The following ALPK2 variants were observed in gnomAD, a reference collection of about 807,000 sequenced individuals.
ALPK2 encodes alpha kinase 2, also known as alpha-protein kinase 2.
A neutral mutation model predicts 163.1 loss-of-function variants in ALPK2; 127 were observed. That is an observed-to-expected ratio of 0.78 (90% CI 0.67 to 0.90). The LOEUF (loss-of-function observed/expected upper bound fraction) is 0.90, where lower values mean the gene tolerates loss of function less well. Among genes scored for constraint, ALPK2 ranks in the 40% least tolerant of loss-of-function variants. The pLI, the probability that ALPK2 is intolerant of heterozygous loss-of-function variation, is 0.00. For missense variants in ALPK2, 2,360 were observed against 2,589.6 expected (o/e 0.91, Z 1.92); for synonymous variants, 953 against 959.1 (o/e 0.99, Z 0.12).
At chr18:58,623,002 C>G (rs2052210326) in intron 1 of ALPK2, among the ~76,000 whole-genome samples, 1 of 152,190 alleles carries the variant, frequency 6.6e-6, no homozygotes, top group South Asian at 2.1e-4. Flanking sequence ...TAAGACCAAC[C>G]CTGAGTGTAG....
intron 4 of ALPK2, among the ~76,000 whole-genome samples, chr18:58,570,579 A>G (rs933070630): frequency 2.6e-5 from 4 of 152,204 alleles, no homozygotes; most frequent in Admixed American, 6.5e-5. Context: ...GCAGTTTGCC[A>G]CCTTTGAAGG....
At chr18:58,519,000 A>G (rs1036784563) in intron 8 of ALPK2, among the ~76,000 whole-genome samples, 2 of 152,242 alleles carry the variant, frequency 1.3e-5, no homozygotes, top group Non-Finnish European at 1.5e-5. Context: ...ATCTGTTCCA[A>G]CTAAGAACTT....
chr18:58,482,628 C>T (rs2051317450), intron 12 of ALPK2, among the ~76,000 whole-genome samples: 1 of 152,130 alleles, frequency 6.6e-6, no homozygotes. Context: ...CCGCTTTGTC[C>T]CCAGGAGAAG....
At chr18:58,622,201 G>A (rs144978667) in intron 1 of ALPK2, among the ~76,000 whole-genome samples, 3,595 of 152,070 alleles carry the variant, frequency 0.024, 85 homozygotes, top group South Asian at 0.087. Flanking sequence ...ACAAAAATTA[G>A]CCGGGTGTGG....
intron 12 of ALPK2, among the ~76,000 whole-genome samples, chr18:58,491,651 A>C (rs549468583): frequency 6.6e-6 from 1 of 151,994 alleles, no homozygotes; most frequent in South Asian, 2.1e-4. Context: ...CCCGACCCCC[A>C]ATCCCCAAAT....
chr18:58,553,031 G>A (rs1466191355), intron 4 of ALPK2, among the ~76,000 whole-genome samples: 2 of 152,118 alleles, frequency 1.3e-5, no homozygotes, highest in African/African-American at 4.8e-5. Flanking sequence ...AGGGAAGAAG[G>A]CCATGTGATG....
intron 12 of ALPK2, among the ~76,000 whole-genome samples, chr18:58,492,289 C>T (rs1044136456): frequency 6.6e-6 from 1 of 151,782 alleles, no homozygotes; most frequent in Admixed American, 6.6e-5. Flanking sequence ...TATATACGCG[C>T]ACACACACAC....
At chr18:58,544,399 A>T (rs1402709280) in intron 4 of ALPK2, 1 of 152,196 alleles carries the variant, frequency 6.6e-6, no homozygotes, top group African/African-American at 2.4e-5. Context: ...TATGCTTTTC[A>T]TCATTAATGA....
intron 11 of ALPK2, among the ~76,000 whole-genome samples, chr18:58,501,160 C>A (rs1602188192): frequency 1.3e-5 from 2 of 152,210 alleles, no homozygotes; most frequent in African/African-American, 4.8e-5. Flanking sequence ...TAATGCCACA[C>A]CACCACGTTA....
At chr18:58,600,261 T>C (rs779996873) in intron 3 of ALPK2, among the ~76,000 whole-genome samples, 8 of 152,166 alleles carry the variant, frequency 5.3e-5, no homozygotes, top group Non-Finnish European at 8.8e-5. Context: ...GGTCTTGAAC[T>C]CCTGACCTCA....
At chr18:58,529,374 G>A (rs780492213) in intron 5 of ALPK2, 136 bp from the exon 6 acceptor site, 42 of 945,486 alleles carry the variant, frequency 4.4e-5, no homozygotes, top group Non-Finnish European at 6.0e-5. Flanking sequence ...GAGTCTCTGA[G>A]GGGAGAGGTG....
chr18:58,566,484 A>G (rs1325008758), intron 4 of ALPK2: 1 of 152,186 alleles, frequency 6.6e-6, no homozygotes, highest in African/African-American at 2.4e-5. Context: ...ATCTTCTATC[A>G]TAGCCAAAGA....
intron 12 of ALPK2, among the ~76,000 whole-genome samples, chr18:58,485,729 C>T (rs1392742614): frequency 6.6e-6 from 1 of 152,208 alleles, no homozygotes; most frequent in Non-Finnish European, 1.5e-5. Flanking sequence ...GCGCTCTCTC[C>T]CTGGTGAGAC....
rs749653289 is a variant in ALPK2, at chr18:58,538,144, G to A, written c.2043C>T (p.Ser681=). 18 of 1,613,978 alleles carry A rather than the reference G, an allele frequency of 1.1e-5. No homozygotes were observed. The highest frequency in any genetic ancestry group is 1.5e-5 in the Non-Finnish European group (18 of 1,180,010). ...PAFSEPAGEE[S]PFTGTTTISF... is the part of the protein sequence containing the mutation. ...AAATTGTTGTGGTCCCAGTGAATGG[G>A]GACTCCTCCCCAGCAGGCTCTGAGA... The change falls in exon 5 of 13, where the codon TCC becomes TCT. Residue 681 remains serine, a synonymous_variant. Coordinates refer to ENST00000361673, the MANE Select transcript of ALPK2 (RefSeq NM_052947.4).
At chr18:58,519,266 G>A (rs2051537335) in intron 8 of ALPK2, among the ~76,000 whole-genome samples, 1 of 152,146 alleles carries the variant, frequency 6.6e-6, no homozygotes, top group Admixed American at 6.5e-5. Context: ...AAAATAGAGG[G>A]AATGCTTTTC....
At chr18:58,556,113 C>T (rs7230331) in intron 4 of ALPK2, among the ~76,000 whole-genome samples, 38 of 152,170 alleles carry the variant, frequency 2.5e-4, no homozygotes, top group African/African-American at 8.2e-4. Context: ...TGAGCCACCA[C>T]GCCCAGCCTT....
Position 58,536,056 on chromosome 18 carries a change from C to T in ALPK2, c.4131G>A (p.Glu1377=). Residue 1377 remains glutamate (E), a synonymous_variant, in exon 5 of 13, where the codon GAG becomes GAA. Coordinates refer to ENST00000361673, the MANE Select transcript of ALPK2 (RefSeq NM_052947.4). ...TGTGATCCATCTTGAGTTGTTTTTCCTCCTGGTCTTGACTCACATTGTTAA... is the reference window on the plus strand; with the variant it reads ...TGTGATCCATCTTGAGTTGTTTTTCTTCCTGGTCTTGACTCACATTGTTAA... ...ENVNNVSQDQ[E]EKQLKMDHTA... 1 of 1,614,168 alleles carries T rather than the reference C, an allele frequency of 6.2e-7. No homozygotes were observed.
chr18:58,625,818 G>A (rs148698576), intron 1 of ALPK2, among the ~76,000 whole-genome samples: 69 of 152,342 alleles, frequency 4.5e-4, no homozygotes, highest in Admixed American at 9.1e-4. Flanking sequence ...TCGGAATTGA[G>A]CTTCTCTTCA....
Position 58,503,930 on chromosome 18 carries a change from C to T in ALPK2, c.6247+1G>A. 1 of 1,611,852 alleles carries T rather than the reference C, an allele frequency of 6.2e-7. No homozygotes were observed. Among genetic ancestry groups the T allele is most frequent in the Non-Finnish European group, 8.5e-7 (1 of 1,178,774 alleles). On this transcript the variant is annotated splice_donor_variant, in intron 11 of 12. Transcript: ENST00000361673. LOFTEE classifies it high-confidence loss of function. Reference sequence around the variant, plus strand: ...AGCCTGGGCTAAGCTGCTTTCCTCACCTTGCATGTCCGTCACCAGGAGGCA... The same window carrying T: ...AGCCTGGGCTAAGCTGCTTTCCTCATCTTGCATGTCCGTCACCAGGAGGCA...
Sources: allele counts gnomAD v4.1 joint callset (sites outside exome capture counted in the v4.1 genomes callset), GRCh38; gene constraint gnomAD v4.1.1; transcripts MANE v1.5; gene names NCBI Gene and HGNC (gene_info 2026-07-23, HGNC 2026-07-21).